The following TTLL1 variants were observed in gnomAD, a reference collection of about 807,000 sequenced individuals.
The protein encoded by TTLL1 is polyglutamylase complex subunit TTLL1.
Under a neutral mutation model 47.8 loss-of-function variants are expected in TTLL1, and 33 were observed. The observed-to-expected ratio is 0.69, with a 90% CI of 0.52 to 0.92. The LOEUF (loss-of-function observed/expected upper bound fraction) is 0.92. TTLL1 is among the 40% of genes least tolerant of loss of function. The pLI, the probability that TTLL1 is intolerant of heterozygous loss-of-function variation, is 0.00. For missense variants in TTLL1, 488 were observed against 547.5 expected, an observed-to-expected ratio of 0.89 and a Z score of 1.08; for synonymous variants, 225 against 214.1, an observed-to-expected ratio of 1.05 and a Z score of -0.45.
Position 43,039,822 on chromosome 22 carries a change from C to T in TTLL1, c.1226G>A (p.Gly409Asp). The T allele has an allele frequency of 6.2e-7, 1 of 1,614,026 alleles. No individual in the cohort carries two copies. The highest frequency in any genetic ancestry group is 8.5e-7 in the Non-Finnish European group (1 of 1,179,966). Residue 409 changes from glycine to aspartate, a missense_variant, in exon 11 of 11, where the codon GGC (glycine) becomes GAC (aspartate). Gly to Asp is a moderately conservative substitution (Grantham distance 94, BLOSUM62 -1). Coordinates refer to ENST00000266254, the MANE Select transcript of TTLL1 (RefSeq NM_012263.5). ...RQGQSLGPRAGRSRDSGRAVL... is the reference protein window; with the variant it reads ...RQGQSLGPRADRSRDSGRAVL... The stretch of plus-strand genomic sequence containing the variant: ...CGCTCTCCCCGAGTCTCTCGATCGG[C>T]CTGCTCTGGGCCCCAGAGACTGACC...
chr22:43,062,204 T>C (rs1311341924), intron 7 of TTLL1, among the ~76,000 whole-genome samples: 2 of 152,054 alleles, frequency 1.3e-5, no homozygotes, highest in African/African-American at 2.4e-5. Flanking sequence ...AAGTTGAAAG[T>C]AGATTTGGCC....
chr22:43,059,348 C>T (rs1927242710), intron 8 of TTLL1, 36 bp downstream of exon 8: 7 of 1,587,928 alleles, frequency 4.4e-6, no homozygotes, highest in Non-Finnish European at 6.0e-6. Flanking sequence ...CCAAACGGGC[C>T]CTGGGAGCCG....
rs1928650106 is a variant in TTLL1, at chr22:43,078,427, C to T, written c.-5+1475G>A. On this transcript the variant is annotated intron_variant, in intron 2 of 10. Coordinates refer to ENST00000266254, the MANE Select transcript of TTLL1 (RefSeq NM_012263.5). ...AGGAGAATTGCTTGAACCCGAGAGG[C>T]GGAGGTCACAGTGAGCCAAGATCGC... Among the ~76,000 whole-genome samples the T allele has an allele frequency of 3.3e-5, 5 of 151,972 alleles. No homozygotes were observed. In the South Asian group the frequency reaches 1.0e-3, roughly 31 times the overall value.
In TTLL1 at chr22:43,085,500, C is replaced by T. The variant is rs9620114; in HGVS notation, c.-90+3777G>A. 3.0e-3 allele frequency among the ~76,000 whole-genome samples: 458 copies of T among 152,236 alleles called. 4 individuals are homozygous for T. The highest frequency in any genetic ancestry group is 0.01 in the African/African-American group (436 of 41,558). On this transcript the variant is annotated intron_variant, in intron 1 of 10. Transcript: ENST00000266254. The stretch of plus-strand genomic sequence containing the variant: ...GGGAGTGGTTCCCCCGTACTGTTCT[C>T]GTGGTAGTGAATAAATCTTGTGAGA...
chr22:43,079,503 CTG>C (rs1928743699), intron 2 of TTLL1, among the ~76,000 whole-genome samples: 1 of 152,248 alleles, frequency 6.6e-6, no homozygotes, highest in Admixed American at 6.5e-5. Flanking sequence ...GCCTCCACAG[CTG>C]TGATTTCCTG....
intron 8 of TTLL1, among the ~76,000 whole-genome samples, chr22:43,053,063 AAAAC>A (rs887550836): frequency 2.6e-5 from 4 of 152,134 alleles, no homozygotes; most frequent in East Asian, 1.9e-4. Flanking sequence ...TCTGTCTCAA[AAAAC>A]AAACAAACAA....
At chr22:43,042,167 C>T (rs2146955099) in intron 10 of TTLL1, among the ~76,000 whole-genome samples, 1 of 152,340 alleles carries the variant, frequency 6.6e-6, no homozygotes. Context: ...GTGGCTGCCC[C>T]CAGCAGCTTG....
At chr22:43,082,260 A>G (rs1928947909) in intron 1 of TTLL1, among the ~76,000 whole-genome samples, 1 of 151,874 alleles carries the variant, frequency 6.6e-6, no homozygotes, top group Non-Finnish European at 1.5e-5. Context: ...TATCATCACC[A>G]ATAGCTTGAG....
At chr22:43,087,706 T>C (rs1376346703) in intron 1 of TTLL1, among the ~76,000 whole-genome samples, 1 of 146,234 alleles carries the variant, frequency 6.8e-6, no homozygotes, top group East Asian at 2.0e-4. Flanking sequence ...GGCGTGGTGG[T>C]GGGCGCCTGT....
rs138640382 is a variant in TTLL1, at chr22:43,063,457, C to T, written c.747+356G>A. Among the ~76,000 whole-genome samples the T allele has an allele frequency of 4.5e-3, 651 of 145,016 alleles. 6 individuals are homozygous for T. The highest frequency in any genetic ancestry group is 4.4e-3 in the Non-Finnish European group (297 of 67,490). On this transcript the variant is annotated intron_variant, in intron 7 of 10. Transcript: ENST00000266254. ...AATAGAAGAAAGAAACCCACAAAGTCGGTCCTTTTTTTTTTTTTTTTCTTT... is the reference window on the plus strand; with the variant it reads ...AATAGAAGAAAGAAACCCACAAAGTTGGTCCTTTTTTTTTTTTTTTTCTTT...
chr22:43,064,102 T>A, intron 6 of TTLL1, 88 bp downstream of exon 6: 1 of 1,564,112 alleles, frequency 6.4e-7, no homozygotes, highest in Non-Finnish European at 8.7e-7. Flanking sequence ...CATGCACTGT[T>A]TTATGAAACC....
At chr22:43,059,327 C>T (rs1005100551) in intron 8 of TTLL1, 57 bp downstream of exon 8, 7 of 1,560,704 alleles carry the variant, frequency 4.5e-6, no homozygotes, top group Non-Finnish European at 6.1e-6. Flanking sequence ...AGACAGCAAG[C>T]CCCCCCACTC....
intron 7 of TTLL1, among the ~76,000 whole-genome samples, chr22:43,060,123 C>T (rs1927301879): frequency 6.6e-6 from 1 of 152,134 alleles, no homozygotes; most frequent in Admixed American, 6.6e-5. Flanking sequence ...CCGCGCTTGG[C>T]CTTCCGTGGG....
chr22:43,058,694 G>GT (rs991436140), intron 8 of TTLL1, among the ~76,000 whole-genome samples: 3,426 of 144,240 alleles, frequency 0.024, 63 homozygotes, highest in African/African-American at 0.048. Context: ...GTTTTTTTTT[G>GT]TTTTTTTTTT....
At chr22:43,054,423 CTTTTTTTT>C (rs767193512) in intron 8 of TTLL1, among the ~76,000 whole-genome samples, 1 of 139,248 alleles carries the variant, frequency 7.2e-6, no homozygotes, top group Non-Finnish European at 1.6e-5. Context: ...GACATAATCT[CTTTTTTTT>C]TTTTTTTTTT....
At chr22:43,063,030 T>A (rs1039882892) in intron 7 of TTLL1, among the ~76,000 whole-genome samples, 2 of 152,200 alleles carry the variant, frequency 1.3e-5, no homozygotes, top group Non-Finnish European at 2.9e-5. Context: ...CGGTTGCATG[T>A]GTACTTGAAG....
intron 9 of TTLL1, among the ~76,000 whole-genome samples, chr22:43,051,466 A>AC (rs1387868328): frequency 1.3e-5 from 2 of 152,242 alleles, no homozygotes; most frequent in Non-Finnish European, 2.9e-5. Flanking sequence ...AGATGGGAAC[A>AC]CTGTCACCCA....
chr22:43,074,427 C>CAAAAAAA (rs61701643), intron 3 of TTLL1, among the ~76,000 whole-genome samples: 9 of 85,710 alleles, frequency 1.1e-4, no homozygotes, highest in Non-Finnish European at 1.6e-4. Context: ...AATTTCGTCT[C>CAAAAAAA]AAAAAAAAAA....
At chr22:43,059,621 C>G in intron 7 of TTLL1, 94 bp from the exon 8 acceptor site, 2 of 1,442,478 alleles carry the variant, frequency 1.4e-6, no homozygotes, top group Admixed American at 5.1e-5. Context: ...TCTGGAGTGC[C>G]CCCTGGGTGT....
Sources: allele counts gnomAD v4.1 joint callset (sites outside exome capture counted in the v4.1 genomes callset), GRCh38; gene constraint gnomAD v4.1.1; transcripts MANE v1.5; gene names NCBI Gene and HGNC (gene_info 2026-07-23, HGNC 2026-07-21).